The following PDE4D variants were observed in gnomAD, a reference collection of about 807,000 sequenced individuals.
PDE4D encodes the protein 3',5'-cyclic-AMP phosphodiesterase 4D.
A neutral mutation model predicts 87.4 loss-of-function variants in PDE4D; 24 were observed. The ratio of observed to expected loss-of-function variants is 0.27; its 90% confidence interval spans 0.20 to 0.39. The LOEUF (loss-of-function observed/expected upper bound fraction) is 0.39. Among genes scored for constraint, PDE4D ranks in the 10% least tolerant of loss-of-function variants. The probability of loss-of-function intolerance (pLI) is 1.00; values close to 1 mark genes in which losing one functional copy is unlikely to be tolerated. For missense variants in PDE4D, 714 were observed against 1,041.0 expected, an observed-to-expected ratio of 0.69 and a Z score of 4.32; for synonymous variants, 384 against 383.2, an observed-to-expected ratio of 1.00 and a Z score of -0.02.
chr5:60,375,898 G>A (rs1400825360), intron 1 of PDE4D, among the ~76,000 whole-genome samples: 1 of 152,172 alleles, frequency 6.6e-6, no homozygotes, highest in African/African-American at 2.4e-5. Context: ...AATTAGCTGG[G>A]TGTGGTGGTA....
At chr5:60,206,824 G>A (rs898506045) in intron 1 of PDE4D, among the ~76,000 whole-genome samples, 10 of 152,172 alleles carry the variant, frequency 6.6e-5, no homozygotes, top group Non-Finnish European at 2.9e-5. Context: ...AAGTATAGGC[G>A]GGAAAGTATA....
intron 1 of PDE4D, among the ~76,000 whole-genome samples, chr5:60,515,581 C>A (rs1239640500): frequency 7.1e-6 from 1 of 140,732 alleles, no homozygotes; most frequent in African/African-American, 2.8e-5. Flanking sequence ...TTGATCTGAG[C>A]TTTCTTTCCT....
intron 1 of PDE4D, among the ~76,000 whole-genome samples, chr5:60,292,455 A>C (rs1562294682): frequency 6.6e-6 from 1 of 152,328 alleles, no homozygotes; most frequent in African/African-American, 2.4e-5. Flanking sequence ...CTCTGCCAAG[A>C]ATCTTTATTG....
At chr5:59,900,287 C>CACACACACACAT (rs142366012) in intron 3 of PDE4D, among the ~76,000 whole-genome samples, 63 of 145,302 alleles carry the variant, frequency 4.3e-4, no homozygotes, top group Non-Finnish European at 7.8e-4. Context: ...CACACACACA[C>CACACACACACAT]ATATATATAT....
At chr5:59,429,124 A>G (rs1795738347) in intron 1 of PDE4D, among the ~76,000 whole-genome samples, 1 of 152,194 alleles carries the variant, frequency 6.6e-6, no homozygotes, top group South Asian at 2.1e-4. Flanking sequence ...AATTAAGGTA[A>G]TATGAACAGG....
At chr5:60,151,153 T>G (rs558973484) in intron 2 of PDE4D, among the ~76,000 whole-genome samples, 112 of 152,294 alleles carry the variant, frequency 7.4e-4, no homozygotes, top group South Asian at 1.9e-3. Flanking sequence ...CCCATCTCAA[T>G]GTGATAAGTG....
chr5:59,900,417 A>G (rs1218797250), intron 3 of PDE4D, among the ~76,000 whole-genome samples: 2 of 152,108 alleles, frequency 1.3e-5, no homozygotes, highest in Non-Finnish European at 2.9e-5. Context: ...ACAAAGATTT[A>G]CTATAAGTGA....
At chr5:59,360,785 C>T (rs150704376) in intron 1 of PDE4D, among the ~76,000 whole-genome samples, 38 of 152,118 alleles carry the variant, frequency 2.5e-4, no homozygotes, top group African/African-American at 8.9e-4. Flanking sequence ...TAAGACTTGG[C>T]AACAGTAAAA....
chr5:59,665,842 C>A (rs1745993473), intron 1 of PDE4D, among the ~76,000 whole-genome samples: 1 of 152,180 alleles, frequency 6.6e-6, no homozygotes, highest in Non-Finnish European at 1.5e-5. Context: ...AGCAAGAAGA[C>A]ACCATTAATG....
chr5:59,622,393 A>T (rs1354325017), intron 1 of PDE4D, among the ~76,000 whole-genome samples: 2 of 152,180 alleles, frequency 1.3e-5, no homozygotes, highest in African/African-American at 4.8e-5. Context: ...AGTAAAACAA[A>T]ACAAACAACT....
chr5:60,448,105 A>C (rs186845064), intron 1 of PDE4D, among the ~76,000 whole-genome samples: 4 of 152,240 alleles, frequency 2.6e-5, no homozygotes, highest in Admixed American at 1.3e-4. Flanking sequence ...ATTTGAATCC[A>C]AAATAGATTG....
chr5:59,346,677 A>G (rs1009578029), intron 1 of PDE4D, among the ~76,000 whole-genome samples: 4 of 152,182 alleles, frequency 2.6e-5, no homozygotes, highest in African/African-American at 9.6e-5. Context: ...CGCATACAAC[A>G]GAAGTTGCAC....
chr5:60,311,470 T>C (rs1755035087), intron 1 of PDE4D, among the ~76,000 whole-genome samples: 1 of 152,132 alleles, frequency 6.6e-6, no homozygotes, highest in African/African-American at 2.4e-5. Flanking sequence ...CTAAATTAAG[T>C]TTCATAAACA....
At chr5:58,988,663 GAA>G in intron 10 of PDE4D, 71 bp from the exon 11 acceptor site, 2 of 613,642 alleles carry the variant, frequency 3.3e-6, no homozygotes, top group Non-Finnish European at 5.1e-6. Context: ...AAACAAATAA[GAA>G]ATCTCTAGAA....
At position 60,508,595 on chromosome 5, in the gene PDE4D, A is replaced by T. The variant is rs1750424170; in HGVS notation, n.70+13456T>A. On this transcript the variant is annotated intron_variant and non_coding_transcript_variant, in intron 1 of 2. Coordinates refer to the PDE4D transcript ENST00000506510. ...AATGTTTACAGAGTTGATTCTTGTT[A>T]TTTGTGGCAGTTACATTCTATAAAG... Among the ~76,000 whole-genome samples the T allele has an allele frequency of 4.6e-5, 7 of 152,330 alleles. No individual in the cohort carries two copies. In the South Asian group the frequency reaches 1.5e-3, roughly 32 times the overall value.
At chr5:59,741,501 A>G (rs1758832515) in intron 1 of PDE4D, among the ~76,000 whole-genome samples, 1 of 152,214 alleles carries the variant, frequency 6.6e-6, no homozygotes, top group South Asian at 2.1e-4. Flanking sequence ...TTGGTGTTTC[A>G]GGGTAATACA....
At chr5:60,041,302 T>C (rs1562012016) in intron 2 of PDE4D, among the ~76,000 whole-genome samples, 1 of 152,082 alleles carries the variant, frequency 6.6e-6, no homozygotes, top group African/African-American at 2.4e-5. Flanking sequence ...GTCCAAAGCC[T>C]CCATTTCTCT....
At chr5:59,123,461 T>C (rs1000089403) in intron 5 of PDE4D, among the ~76,000 whole-genome samples, 2 of 152,242 alleles carry the variant, frequency 1.3e-5, no homozygotes, top group African/African-American at 4.8e-5. Context: ...TTTATACATC[T>C]ACTTAATTCA....
At chr5:60,483,215 T>C (rs1366146476) in intron 1 of PDE4D, among the ~76,000 whole-genome samples, 1 of 152,184 alleles carries the variant, frequency 6.6e-6, no homozygotes, top group Non-Finnish European at 1.5e-5. Flanking sequence ...CAGGCTGGAA[T>C]GCAGTGATAT....
Sources: allele counts gnomAD v4.1 joint callset (sites outside exome capture counted in the v4.1 genomes callset), GRCh38; gene constraint gnomAD v4.1.1; transcripts MANE v1.5; gene names NCBI Gene and HGNC (gene_info 2026-07-23, HGNC 2026-07-21).